GTF2H5: variants seen among roughly 807,000 people sequenced by gnomAD.
GTF2H5 encodes the protein general transcription factor IIH subunit 5, also known as TFB5 ortholog.
A neutral mutation model predicts 7.1 loss-of-function variants in GTF2H5; 5 were observed. That is an observed-to-expected ratio of 0.71 (90% CI 0.37 to 1.49). The LOEUF (loss-of-function observed/expected upper bound fraction) is 1.49. Among genes scored for constraint, GTF2H5 ranks in the 40% most tolerant of loss-of-function variants. The probability of loss-of-function intolerance (pLI) is 0.03; values close to 1 mark genes in which losing one functional copy is unlikely to be tolerated. For missense variants in GTF2H5, 80 were observed against 83.0 expected (o/e 0.96, Z 0.14); for synonymous variants, 30 against 31.7 (o/e 0.95, Z 0.18).
At chr6:158,171,237 A>G (rs947809607) in intron 2 of GTF2H5, among the ~76,000 whole-genome samples, 1 of 152,230 alleles carries the variant, frequency 6.6e-6, no homozygotes, top group African/African-American at 2.4e-5. Flanking sequence ...CTTAAAAGTA[A>G]CGTAAAATGA....
At position 158,192,023 on chromosome 6, in the gene GTF2H5, G is replaced by A; in HGVS notation, c.82G>A (p.Ala28Thr). The change falls in exon 3 of 3, where the codon GCC (alanine) becomes ACC (threonine). Residue 28 changes from alanine to threonine, a missense_variant. Transcript: ENST00000607778. ...QFLLYLDESNALGKKFIIQDI... is the reference protein window; with the variant it reads ...QFLLYLDESNTLGKKFIIQDI... ...TCTGCTGTACTTGGATGAGTCCAATGCCCTGGGGAAGAAGTTCATCATTCA... is the reference window on the plus strand; with the variant it reads ...TCTGCTGTACTTGGATGAGTCCAATACCCTGGGGAAGAAGTTCATCATTCA... The A allele has an allele frequency of 6.2e-7, 1 of 1,614,084 alleles. No individual in the cohort carries two copies. Among genetic ancestry groups the A allele is most frequent in the Non-Finnish European group, 8.5e-7 (1 of 1,179,938 alleles).
In GTF2H5 at chr6:158,197,318, T is replaced by G; in HGVS notation, c.*5161T>G. On this transcript the variant is annotated 3_prime_UTR_variant, in exon 3 of 3. Coordinates refer to ENST00000607778, the MANE Select transcript of GTF2H5 (RefSeq NM_207118.3). ...AGTCGTCATGCAAAATAGTCACTAC[T>G]CATTCAAAAACTCTATAGTTGTCTG... 5.2e-6 allele frequency: 1 copy of G among 192,252 alleles called. No homozygotes were observed. The allele number at this position is 192,252 out of a possible 1,614,324, so 11.9% of individuals were successfully genotyped here. A position where few individuals can be genotyped will look rare whatever the true frequency, so the allele number is the denominator to read the frequency against.
chr6:158,192,552 T>C lies in GTF2H5; in HGVS notation c.*395T>C. ...AAACGTCATAGATTTGCTGTTTGAA[T>C]ATGCCAAGGTGGGGACTTAGACATT... On this transcript the variant is annotated 3_prime_UTR_variant, in exon 3 of 3. Coordinates refer to ENST00000607778, the MANE Select transcript of GTF2H5 (RefSeq NM_207118.3). The C allele has an allele frequency of 3.9e-6, 1 of 256,332 alleles. No homozygotes were observed. The highest frequency in any genetic ancestry group is 7.6e-6 in the Non-Finnish European group (1 of 131,286). The allele number at this position is 256,332 out of a possible 1,614,324, so 15.9% of individuals were successfully genotyped here.
intron 2 of GTF2H5, among the ~76,000 whole-genome samples, chr6:158,176,643 C>G (rs2128429731): frequency 6.6e-6 from 1 of 152,288 alleles, no homozygotes; most frequent in African/African-American, 2.4e-5. Flanking sequence ...CTGGGAGACC[C>G]TAACCCAGCA....
At position 158,198,784 on chromosome 6, in the gene GTF2H5, G is replaced by C. The variant is rs1235607756; in HGVS notation, c.*6627G>C. 6.6e-6 allele frequency: 1 copy of C among 152,152 alleles called. No individual in the cohort carries two copies. Among genetic ancestry groups the C allele is most frequent in the Non-Finnish European group, 1.5e-5 (1 of 68,048 alleles). 9.4% of individuals were successfully genotyped at this position (152,152 alleles called of 1,614,324 possible). On this transcript the variant is annotated 3_prime_UTR_variant, in exon 3 of 3. Coordinates refer to ENST00000607778, the MANE Select transcript of GTF2H5 (RefSeq NM_207118.3). ...GGCTCATCTCTTGTTTTCTCACCCA[G>C]CTGTTCTTCTTCTAGTTGGCCATCA...
rs981817431 is a variant in GTF2H5 at position 158,193,502 on chromosome 6, T to G, written c.*1345T>G. The G allele has an allele frequency of 6.6e-6, 1 of 152,192 alleles. No homozygotes were observed. The highest frequency in any genetic ancestry group is 6.5e-5 in the Admixed American group (1 of 15,280). The allele number at this position is 152,192 out of a possible 1,614,324, so 9.4% of individuals were successfully genotyped here. On this transcript the variant is annotated 3_prime_UTR_variant, in exon 3 of 3. Transcript: ENST00000607778. ...TTTTACCTGCTTCCTTATGGTATGTTTATTCAAAGCACCTGTGTACCATAT... is the reference window on the plus strand; with the variant it reads ...TTTTACCTGCTTCCTTATGGTATGTGTATTCAAAGCACCTGTGTACCATAT...
Position 158,192,341 on chromosome 6 carries a change from T to TA in GTF2H5, c.*184_*185insA. On this transcript the variant is annotated 3_prime_UTR_variant, in exon 3 of 3. Transcript: ENST00000607778. The stretch of plus-strand genomic sequence containing the variant: ...TGAACTGATTTTGTTACCATAGAAT[T>TA]TAAAAAAAAAAAAAGCTTTAACAGT... 1.8e-6 allele frequency: 1 copy of TA among 566,014 alleles called. No homozygotes were observed. 35.1% of individuals were successfully genotyped at this position (566,014 alleles called of 1,614,324 possible). A position where few individuals can be genotyped will look rare whatever the true frequency, so the allele number is the denominator to read the frequency against.
At chr6:158,184,026 C>G (rs1776855423) in intron 2 of GTF2H5, among the ~76,000 whole-genome samples, 1 of 152,182 alleles carries the variant, frequency 6.6e-6, no homozygotes, top group Non-Finnish European at 1.5e-5. Context: ...TCCTATTTGG[C>G]CATCTTGGAA....
intron 2 of GTF2H5, among the ~76,000 whole-genome samples, chr6:158,182,108 G>A (rs1043772756): frequency 1.3e-5 from 2 of 152,170 alleles, no homozygotes; most frequent in African/African-American, 4.8e-5. Context: ...TGTCTGTAGA[G>A]GATTTTATTT....
At chr6:158,168,787 TCTC>T (rs771053831) in intron 1 of GTF2H5, among the ~76,000 whole-genome samples, 1 of 152,200 alleles carries the variant, frequency 6.6e-6, no homozygotes, top group Non-Finnish European at 1.5e-5. Flanking sequence ...CTTCCTTTGG[TCTC>T]CTCATATGTA....
At chr6:158,188,653 T>C (rs546515270) in intron 2 of GTF2H5, among the ~76,000 whole-genome samples, 4 of 152,122 alleles carry the variant, frequency 2.6e-5, no homozygotes, top group African/African-American at 9.7e-5. Context: ...TTCTGTATAA[T>C]ACTCAAATTA....
chr6:158,184,657 T>A (rs10946136), intron 2 of GTF2H5, among the ~76,000 whole-genome samples: 1 of 152,062 alleles, frequency 6.6e-6, no homozygotes, highest in African/African-American at 2.4e-5. Context: ...GAAATAAACC[T>A]AAGACAGTCT....
chr6:158,179,784 C>T (rs1252824048), intron 2 of GTF2H5, among the ~76,000 whole-genome samples: 1 of 152,136 alleles, frequency 6.6e-6, no homozygotes, highest in Non-Finnish European at 1.5e-5. Flanking sequence ...CATCTGCAAA[C>T]AGAGATGATT....
intron 2 of GTF2H5, among the ~76,000 whole-genome samples, chr6:158,188,090 T>C (rs187230219): frequency 2.9e-4 from 44 of 152,340 alleles, no homozygotes; most frequent in African/African-American, 1.0e-3. Context: ...GTAAAGTGTA[T>C]ACTAAGAAAC....
At chr6:158,179,890 G>A (rs1288164887) in intron 2 of GTF2H5, among the ~76,000 whole-genome samples, 1 of 152,152 alleles carries the variant, frequency 6.6e-6, no homozygotes, top group Non-Finnish European at 1.5e-5. Flanking sequence ...TAGGAGTGGT[G>A]AGAGAGGGCA....
chr6:158,181,805 A>T (rs906875749), intron 2 of GTF2H5, among the ~76,000 whole-genome samples: 2 of 152,140 alleles, frequency 1.3e-5, no homozygotes, highest in Non-Finnish European at 2.9e-5. Context: ...AATACAGCAC[A>T]CCAACGGGTC....
At chr6:158,170,192 G>C (rs1785835062) in intron 1 of GTF2H5, among the ~76,000 whole-genome samples, 1 of 152,120 alleles carries the variant, frequency 6.6e-6, no homozygotes, top group East Asian at 1.9e-4. Flanking sequence ...CCTGGGTTGG[G>C]CACACTGGTG....
rs1309886141 is a variant in GTF2H5 at position 158,198,708 on chromosome 6, GA to G, written c.*6552del. ...GGCGTGAGCCAGCGCGCCCGGCCTG[GA>G]CTTAACTTCTGAAGAACTCTTTCTG... On this transcript the variant is annotated 3_prime_UTR_variant, in exon 3 of 3. Transcript: ENST00000607778. 2.0e-5 allele frequency: 3 copies of G among 152,206 alleles called. No individual in the cohort carries two copies. Among genetic ancestry groups the G allele is most frequent in the Non-Finnish European group, 2.9e-5 (2 of 68,060 alleles). 9.4% of individuals were successfully genotyped at this position (152,206 alleles called of 1,614,324 possible).
At chr6:158,190,587 C>T in intron 2 of GTF2H5, 1 of 423,216 alleles carries the variant, frequency 2.4e-6, no homozygotes, top group South Asian at 1.8e-5. Context: ...ACCCAAAGTC[C>T]CCCAAATCAG....
Sources: gnomAD v4.1 joint callset for allele counts (sites outside exome capture counted in the v4.1 genomes callset) on GRCh38, gnomAD v4.1.1 for gene constraint, MANE v1.5 for transcripts, NCBI Gene and HGNC (gene_info 2026-07-23, HGNC 2026-07-21) for gene names.